RNF130: variants seen among roughly 807,000 people sequenced by gnomAD.
RNF130 encodes E3 ubiquitin-protein ligase RNF130.
RNF130 carries 21 observed loss-of-function variants against 44.6 expected under a neutral mutation model. That is an observed-to-expected ratio of 0.47 (90% CI 0.33 to 0.68). The LOEUF (loss-of-function observed/expected upper bound fraction) is 0.68, where lower values mean the gene tolerates loss of function less well. Ranked by LOEUF, RNF130 falls within the 30% of genes least tolerant of loss-of-function variation. The pLI, the probability that RNF130 is intolerant of heterozygous loss-of-function variation, is 0.02. For synonymous variants in RNF130, 214 were observed against 210.4 expected (o/e 1.02, Z -0.15); for missense variants, 479 against 560.6 (o/e 0.85, Z 1.47).
intron 3 of RNF130, among the ~76,000 whole-genome samples, chr5:180,007,725 T>C (rs12516767): frequency 0.11 from 17,116 of 152,128 alleles, 2,101 homozygotes; most frequent in African/African-American, 0.31. Flanking sequence ...GGAAACAAGC[T>C]CGCAGTTTGT....
At chr5:179,975,546 G>A (rs148652323) in intron 5 of RNF130, among the ~76,000 whole-genome samples, 27 of 152,288 alleles carry the variant, frequency 1.8e-4, no homozygotes, top group Middle Eastern at 3.4e-3. Flanking sequence ...CTGCACTGTC[G>A]CTACATGGCA....
At chr5:180,004,654 A>G (rs139240151) in intron 3 of RNF130, among the ~76,000 whole-genome samples, 1 of 152,382 alleles carries the variant, frequency 6.6e-6, no homozygotes, top group East Asian at 1.9e-4. Flanking sequence ...GCAGAAAACA[A>G]GTTAAAACAA....
intron 1 of RNF130, among the ~76,000 whole-genome samples, chr5:180,049,508 T>C (rs996240793): frequency 1.3e-5 from 2 of 152,210 alleles, no homozygotes; most frequent in African/African-American, 4.8e-5. Context: ...AAAATACTGA[T>C]AAGGTGATTA....
intron 1 of RNF130, among the ~76,000 whole-genome samples, chr5:180,048,842 A>G (rs1290649101): frequency 6.6e-6 from 1 of 152,162 alleles, no homozygotes; most frequent in Non-Finnish European, 1.5e-5. Context: ...CTCCCTGTTC[A>G]TATTCAGTGG....
At chr5:180,069,232 T>C (rs77873467) in intron 1 of RNF130, among the ~76,000 whole-genome samples, 1 of 152,310 alleles carries the variant, frequency 6.6e-6, no homozygotes, top group East Asian at 1.9e-4. Context: ...CTATGCTTCA[T>C]AGAGACGGAT....
chr5:179,942,670 CT>C (rs1218862828), intron 7 of RNF130, among the ~76,000 whole-genome samples: 2 of 152,158 alleles, frequency 1.3e-5, no homozygotes, highest in Non-Finnish European at 2.9e-5. Flanking sequence ...ACTATGAAGA[CT>C]GAAAGCCTAA....
chr5:180,048,173 C>T (rs1280263519), intron 1 of RNF130, among the ~76,000 whole-genome samples: 2 of 152,126 alleles, frequency 1.3e-5, no homozygotes, highest in Non-Finnish European at 2.9e-5. Flanking sequence ...AAATTACACA[C>T]ACAGAAGGGA....
intron 8 of RNF130, among the ~76,000 whole-genome samples, chr5:179,958,555 C>A (rs1762258911): frequency 6.6e-6 from 1 of 152,226 alleles, no homozygotes; most frequent in African/African-American, 2.4e-5. Flanking sequence ...GAGCCTTCTA[C>A]CTGATCTGAG....
At chr5:179,928,911 G>A (rs531943198) in intron 7 of RNF130, among the ~76,000 whole-genome samples, 52 of 152,276 alleles carry the variant, frequency 3.4e-4, no homozygotes, top group South Asian at 1.9e-3. Context: ...TTACAGGCGT[G>A]AGCCACCGCA....
rs763876290 is a variant in RNF130, at chr5:179,967,015, A to G, written c.946-5T>C. 5.0e-6 allele frequency: 8 copies of G among 1,608,668 alleles called. No homozygotes were observed. The highest frequency in any genetic ancestry group is 1.7e-6 in the Non-Finnish European group (2 of 1,176,854). On this transcript the variant is annotated splice_region_variant and splice_polypyrimidine_tract_variant and intron_variant, in intron 6 of 8. Coordinates refer to ENST00000521389, the MANE Select transcript of RNF130 (RefSeq NM_018434.6). ...ATCAGTACATGGCAAATTCGGCTGC[A>G]AAATATTTCCAGGTTAAAAATAATT... is the stretch of plus-strand genomic sequence containing the variant.
chr5:179,970,428 C>G lies in RNF130; in HGVS notation c.927G>C (p.Leu309Phe). The G allele has an allele frequency of 6.2e-7, 1 of 1,612,234 alleles. No individual in the cohort carries two copies. Among genetic ancestry groups the G allele is most frequent in the Non-Finnish European group, 8.5e-7 (1 of 1,179,134 alleles). ...AACGTACCACAATTCCCAGGGCCTTCAATATATTAAGTTTGCACATAGGAC... is the reference window on the plus strand; with the variant it reads ...AACGTACCACAATTCCCAGGGCCTTGAATATATTAAGTTTGCACATAGGAC... Reference protein sequence around the residue: ...CTCPMCKLNILKALGIVPNLP... With the variant: ...CTCPMCKLNIFKALGIVPNLP... Residue 309 changes from leucine (L) to phenylalanine (F), a missense_variant, in exon 6 of 9, where the codon TTG (leucine) becomes TTC (phenylalanine). Physicochemically the swap from Leu to Phe is conservative, Grantham distance 22. Coordinates refer to ENST00000521389, the MANE Select transcript of RNF130 (RefSeq NM_018434.6).
chr5:179,950,007 C>T (rs1006612055), intron 7 of RNF130, among the ~76,000 whole-genome samples: 26 of 152,202 alleles, frequency 1.7e-4, no homozygotes, highest in Non-Finnish European at 4.4e-5. Flanking sequence ...AGCTGTTTTC[C>T]TGGGTGGCCA....
intron 2 of RNF130, among the ~76,000 whole-genome samples, chr5:180,014,942 C>T (rs137890529): frequency 7.8e-4 from 118 of 152,156 alleles, no homozygotes; most frequent in African/African-American, 2.6e-3. Flanking sequence ...GCTGAGATCA[C>T]GCCACTGCAC....
intron 2 of RNF130, among the ~76,000 whole-genome samples, chr5:180,026,740 T>A (rs991722633): frequency 3.3e-5 from 5 of 152,228 alleles, no homozygotes; most frequent in Admixed American, 3.3e-4. Flanking sequence ...TAGCCTTAAA[T>A]GAAAAGAAAG....
exon 8 of RNF130, chr5:179,913,541 G>A (rs1255614432): frequency 6.6e-6 from 1 of 152,244 alleles, no homozygotes; most frequent in East Asian, 1.9e-4. Flanking sequence ...TCAGGCATAA[G>A]AGCATCACCC....
chr5:179,988,294 T>G (rs1275697405), intron 3 of RNF130, among the ~76,000 whole-genome samples: 1 of 152,224 alleles, frequency 6.6e-6, no homozygotes, highest in East Asian at 1.9e-4. Context: ...GTCTCCTTTT[T>G]CACTTCTGAT....
chr5:179,948,406 A>G (rs894243206), intron 7 of RNF130, among the ~76,000 whole-genome samples: 2 of 152,200 alleles, frequency 1.3e-5, no homozygotes, highest in Non-Finnish European at 2.9e-5. Context: ...GCATTGGCTC[A>G]TGCCTGTAAT....
At chr5:180,015,398 A>G in intron 2 of RNF130, 1 of 526,544 alleles carries the variant, frequency 1.9e-6, no homozygotes, top group Non-Finnish European at 3.9e-6. Flanking sequence ...CCAGGTACAA[A>G]CGGTTTTAGA....
At chr5:180,069,168 A>T (rs1765185429) in intron 1 of RNF130, among the ~76,000 whole-genome samples, 1 of 152,244 alleles carries the variant, frequency 6.6e-6, no homozygotes, top group Non-Finnish European at 1.5e-5. Flanking sequence ...ATATAAACCC[A>T]TAGGTTTAGA....
Sources: allele counts gnomAD v4.1 joint callset (sites outside exome capture counted in the v4.1 genomes callset), GRCh38; gene constraint gnomAD v4.1.1; transcripts MANE v1.5; gene names NCBI Gene and HGNC (gene_info 2026-07-23, HGNC 2026-07-21).